The following TENM3 variants were observed in gnomAD, a reference collection of about 807,000 sequenced individuals.
TENM3 encodes the protein teneurin-3.
In TENM3, 63 loss-of-function variants were observed where a neutral mutation model predicts 255.1. The ratio of observed to expected loss-of-function variants is 0.25; its 90% CI spans 0.20 to 0.30. The LOEUF (loss-of-function observed/expected upper bound fraction) is 0.30. Among genes scored for constraint, TENM3 ranks in the 10% least tolerant of loss-of-function variants. The pLI, the probability that TENM3 is intolerant of heterozygous loss-of-function variation, is 1.00. For synonymous variants in TENM3, 1,306 were observed against 1,322.3 expected (o/e 0.99, Z 0.27); for missense variants, 2,929 against 3,461.1 (o/e 0.85, Z 3.86).
At chr4:182,634,707 T>TAAAAAAAAAA (rs11395245) in intron 5 of TENM3, among the ~76,000 whole-genome samples, 1 of 116,418 alleles carries the variant, frequency 8.6e-6, no homozygotes, top group Non-Finnish European at 1.8e-5. Flanking sequence ...ACTCTGAAAT[T>TAAAAAAAAAA]AAAAAAAAAA....
At chr4:182,527,770 C>G (rs762456421) in intron 3 of TENM3, among the ~76,000 whole-genome samples, 7 of 152,070 alleles carry the variant, frequency 4.6e-5, no homozygotes, top group Non-Finnish European at 8.8e-5. Context: ...GCTCTGTCAC[C>G]AGGCTGGAGT....
chr4:181,510,311 A>G, the TENM3 span, among the ~76,000 whole-genome samples: 3 of 152,176 alleles, frequency 2.0e-5, no homozygotes, highest in Admixed American at 1.3e-4. Flanking sequence ...TCGAACAAGT[A>G]GAAAAAAAAA....
At chr4:182,381,122 C>T (rs966514445) in intron 3 of TENM3, among the ~76,000 whole-genome samples, 3 of 152,168 alleles carry the variant, frequency 2.0e-5, no homozygotes, top group Non-Finnish European at 2.9e-5. Flanking sequence ...GTGAGAGTCC[C>T]GACCAGGGCT....
chr4:181,967,780 GGT>G, the TENM3 span, among the ~76,000 whole-genome samples: 1 of 152,136 alleles, frequency 6.6e-6, no homozygotes, highest in Non-Finnish European at 1.5e-5. Context: ...AGTGAGGTAT[GGT>G]TCTCCCAACT....
intron 5 of TENM3, among the ~76,000 whole-genome samples, chr4:182,649,653 T>C (rs1208876352): frequency 2.0e-5 from 3 of 150,602 alleles, no homozygotes; most frequent in Non-Finnish European, 3.0e-5. Flanking sequence ...AAATAGCCTG[T>C]TCTTAATTTC....
chr4:182,099,251 G>A, the TENM3 span, among the ~76,000 whole-genome samples: 3 of 151,912 alleles, frequency 2.0e-5, no homozygotes, highest in South Asian at 2.1e-4. Flanking sequence ...GGCATGAGCC[G>A]CCATGCCCGG....
At chr4:181,620,825 G>T in the TENM3 span, among the ~76,000 whole-genome samples, 1 of 152,054 alleles carries the variant, frequency 6.6e-6, no homozygotes, top group African/African-American at 2.4e-5. Flanking sequence ...CTGTAAATGT[G>T]AACTGTTATT....
the TENM3 span, among the ~76,000 whole-genome samples, chr4:182,020,361 G>A: frequency 2.6e-5 from 4 of 151,802 alleles, no homozygotes; most frequent in South Asian, 2.1e-4. Flanking sequence ...GCCAGACTCT[G>A]TCTCAAAAAA....
At chr4:182,371,718 T>C (rs1766830269) in intron 3 of TENM3, among the ~76,000 whole-genome samples, 3 of 152,192 alleles carry the variant, frequency 2.0e-5, no homozygotes, top group Admixed American at 1.3e-4. Flanking sequence ...ATCCTGCTTC[T>C]AATTATCAGA....
the TENM3 span, among the ~76,000 whole-genome samples, chr4:181,500,324 C>T: frequency 3.4e-5 from 5 of 145,964 alleles, no homozygotes; most frequent in Non-Finnish European, 6.1e-5. Flanking sequence ...CCACCGCACC[C>T]GGCCTTATGG....
chr4:182,721,487 G>C (rs1482721284), intron 13 of TENM3, among the ~76,000 whole-genome samples: 1 of 151,914 alleles, frequency 6.6e-6, no homozygotes, highest in Non-Finnish European at 1.5e-5. Flanking sequence ...TAATTTAATT[G>C]TTTCTAATTT....
In TENM3 at chr4:182,504,859, C is replaced by T. The variant is rs141217314; in HGVS notation, c.512-96065C>T. 3.3e-4 allele frequency among the ~76,000 whole-genome samples: 51 copies of T among 152,294 alleles called. 1 individual carries two copies. Among genetic ancestry groups the T allele is most frequent in the Non-Finnish European group, 6.0e-4 (41 of 68,016 alleles). ...TCAGTAAATTGTTCTGCATTGTTTA[C>T]TGCCCTCACTACTTATTATCTCCCC... On this transcript the variant is annotated intron_variant, in intron 3 of 27. Coordinates refer to ENST00000511685, the MANE Select transcript of TENM3 (RefSeq NM_001080477.4).
chr4:181,482,926 G>A, the TENM3 span, among the ~76,000 whole-genome samples: 6 of 152,246 alleles, frequency 3.9e-5, no homozygotes, highest in African/African-American at 1.4e-4. Context: ...GATACCTAGA[G>A]TGAGATATGA....
intron 2 of TENM3, among the ~76,000 whole-genome samples, chr4:182,330,637 C>T (rs7682576): frequency 0.083 from 12,669 of 152,200 alleles, 562 homozygotes; most frequent in African/African-American, 0.12. Flanking sequence ...TTAGGTAATG[C>T]TGGGATTCAG....
At chr4:182,260,372 C>T (rs1204371692) in intron 1 of TENM3, among the ~76,000 whole-genome samples, 1 of 152,128 alleles carries the variant, frequency 6.6e-6, no homozygotes, top group East Asian at 1.9e-4. Flanking sequence ...TATGAAGGTT[C>T]TCCTAAGAAA....
At chr4:182,575,452 G>A (rs960987578) in intron 3 of TENM3, among the ~76,000 whole-genome samples, 9 of 152,184 alleles carry the variant, frequency 5.9e-5, no homozygotes, top group South Asian at 4.1e-4. Flanking sequence ...AGTGGCGGCT[G>A]TGTTCCCATG....
chr4:182,023,824 T>C, the TENM3 span, among the ~76,000 whole-genome samples: 1 of 152,222 alleles, frequency 6.6e-6, no homozygotes. Flanking sequence ...CCAAAATCCA[T>C]TATAGCTGTA....
At chr4:182,157,757 G>A (rs1028646752) in intron 1 of TENM3, among the ~76,000 whole-genome samples, 1 of 152,182 alleles carries the variant, frequency 6.6e-6, no homozygotes, top group Non-Finnish European at 1.5e-5. Flanking sequence ...ACAAGACTTT[G>A]ACCAGGAGAG....
chr4:182,739,700 A>C (rs1434752615), intron 18 of TENM3, among the ~76,000 whole-genome samples: 1 of 152,146 alleles, frequency 6.6e-6, no homozygotes, highest in Non-Finnish European at 1.5e-5. Context: ...TAACCTTCCA[A>C]ATATATACAG....
Sources: allele counts gnomAD v4.1 joint callset (sites outside exome capture counted in the v4.1 genomes callset), GRCh38; gene constraint gnomAD v4.1.1; transcripts MANE v1.5; gene names NCBI Gene and HGNC (gene_info 2026-07-23, HGNC 2026-07-21).